Variants in NARF observed in about 807,000 individuals in gnomAD.
NARF encodes iron-only hydrogenase-like protein 2.
A neutral mutation model predicts 48.0 loss-of-function variants in NARF; 41 were observed. The ratio of observed to expected loss-of-function variants is 0.85; its 90% CI spans 0.66 to 1.11. The LOEUF is 1.11. Among genes scored for constraint, NARF ranks in the 50% least tolerant of loss-of-function variants. The probability of loss-of-function intolerance (pLI) is 0.00; values close to 1 mark genes in which losing one functional copy is unlikely to be tolerated. For synonymous variants in NARF, 215 were observed against 225.5 expected, an observed-to-expected ratio of 0.95 and a Z score of 0.42; for missense variants, 613 against 590.2, an observed-to-expected ratio of 1.04 and a Z score of -0.40.
chr17:82,459,987 T>C lies in NARF; in HGVS notation c.28-5T>C, dbSNP rs762778688. On this transcript the variant is annotated splice_region_variant and splice_polypyrimidine_tract_variant and intron_variant, in intron 1 of 10. Coordinates refer to ENST00000309794, the MANE Select transcript of NARF (RefSeq NM_012336.4). The stretch of plus-strand genomic sequence containing the variant: ...TCATTGATAATGTTCCTTTGCTTTT[T>C]TAAGGAATGTAGTAAGAAAACAAAA... The C allele has an allele frequency of 6.8e-6, 11 of 1,611,918 alleles. No individual in the cohort carries two copies. Among genetic ancestry groups the C allele is most frequent in the Non-Finnish European group, 9.3e-6 (11 of 1,178,536 alleles).
chr17:82,481,201 G>A lies in NARF; in HGVS notation c.759G>A (p.Val253=). 1 of 1,614,016 alleles carries A rather than the reference G, an allele frequency of 6.2e-7. No homozygotes were observed. The highest frequency in any genetic ancestry group is 1.3e-5 in the African/African-American group (1 of 75,044). The part of the protein sequence containing the change: ...ALHGSRGADC[V]LTSGEIAQIM... ...ATGGCTCCCGGGGCGCTGACTGCGT[G>A]TTAACATCAGGTGAGAGGTGGGCGG... is the stretch of plus-strand genomic sequence containing the variant. The change falls in exon 7 of 11, where the codon GTG becomes GTA. Residue 253 remains valine, a synonymous_variant. Coordinates refer to ENST00000309794, the MANE Select transcript of NARF (RefSeq NM_012336.4).
At chr17:82,478,312 G>C (rs1212874916) in intron 5 of NARF, among the ~76,000 whole-genome samples, 1 of 152,238 alleles carries the variant, frequency 6.6e-6, no homozygotes, top group Admixed American at 6.5e-5. Context: ...GACTTGAGGA[G>C]TATAGATTTC....
At chr17:82,471,742 G>A (rs149049420) in intron 4 of NARF, among the ~76,000 whole-genome samples, 2,958 of 136,128 alleles carry the variant, frequency 0.022, 120 homozygotes, top group African/African-American at 0.08. Flanking sequence ...CAGTGAGCCG[G>A]GATAGCGCCA....
intron 2 of NARF, 166 bp from the exon 3 acceptor site, chr17:82,464,121 T>C (rs1437137929): frequency 5.0e-6 from 4 of 803,280 alleles, no homozygotes; most frequent in Admixed American, 5.7e-5. Flanking sequence ...CTTGAGCTGC[T>C]CAGTGGCAGA....
At position 82,484,909 on chromosome 17, in the gene NARF, G is replaced by A. The variant is rs763494072; in HGVS notation, c.930G>A (p.Leu310=). 6.2e-7 allele frequency: 1 copy of A among 1,613,230 alleles called. No individual in the cohort carries two copies. Among genetic ancestry groups the A allele is most frequent in the Non-Finnish European group, 8.5e-7 (1 of 1,179,580 alleles). The change falls in exon 9 of 11, where the codon CTG becomes CTA. Residue 310 remains leucine (L), a synonymous_variant. Coordinates refer to ENST00000309794, the MANE Select transcript of NARF (RefSeq NM_012336.4). ...TCTTCAGACATGCGGCCAAGGAGCT[G>A]TTCAACGAGGATGTGGAGGAGGTCA... is the stretch of plus-strand genomic sequence containing the variant. ...AHIFRHAAKE[L]FNEDVEEVTY...
At chr17:82,464,220 C>G in intron 2 of NARF, 67 bp from the exon 3 acceptor site, 1 of 1,558,732 alleles carries the variant, frequency 6.4e-7, no homozygotes, top group South Asian at 1.2e-5. Flanking sequence ...ATGGGTGTTA[C>G]CCTCTCTAAA....
In NARF at chr17:82,471,312, G is replaced by A. The variant is rs79344733; in HGVS notation, c.386-1252G>A. Among the ~76,000 whole-genome samples, 359 of 151,706 alleles carry A rather than the reference G, an allele frequency of 2.4e-3. 3 individuals carry two copies. Among genetic ancestry groups the A allele is most frequent in the African/African-American group, 7.9e-3 (327 of 41,358 alleles). On this transcript the variant is annotated intron_variant, in intron 4 of 10. Transcript: ENST00000309794. ...CTACTAAAAATTCAAAAAAGTAGCC[G>A]GGCGTGGTGACGGGCGCCTGTAGTC...
intron 7 of NARF, chr17:82,481,811 A>C (rs1346254115): frequency 4.8e-6 from 2 of 420,738 alleles, no homozygotes; most frequent in Non-Finnish European, 9.3e-6. Flanking sequence ...ATTACAGTCC[A>C]TGTAAGGTAC....
At chr17:82,465,272 T>C (rs2043537877) in intron 3 of NARF, among the ~76,000 whole-genome samples, 1 of 152,152 alleles carries the variant, frequency 6.6e-6, no homozygotes. Flanking sequence ...CAGTTTCACA[T>C]GAGATTTGGG....
intron 7 of NARF, 120 bp downstream of exon 7, chr17:82,481,331 G>A: frequency 6.8e-7 from 1 of 1,465,312 alleles, no homozygotes; most frequent in Non-Finnish European, 9.2e-7. Context: ...GTGGTCGCTT[G>A]TCTGAAGTTA....
At chr17:82,481,362 G>T in intron 7 of NARF, 151 bp downstream of exon 7, 1 of 1,148,478 alleles carries the variant, frequency 8.7e-7, no homozygotes, top group Non-Finnish European at 1.2e-6. Context: ...AGGGTCCTAG[G>T]GGCTTAACTG....
intron 2 of NARF, among the ~76,000 whole-genome samples, chr17:82,462,428 C>G (rs2043460264): frequency 6.6e-6 from 1 of 152,176 alleles, no homozygotes; most frequent in Non-Finnish European, 1.5e-5. Context: ...CCGACTTAAG[C>G]TGGCTAGAGT....
In NARF at chr17:82,466,991, CCTT is replaced by C. The variant is rs577612587; in HGVS notation, c.253-1769_253-1767del. Among the ~76,000 whole-genome samples, 433 of 151,576 alleles carry C rather than the reference CCTT, an allele frequency of 2.9e-3. 2 individuals are homozygous for C. The highest frequency in any genetic ancestry group is 0.014 in the Middle Eastern group (4 of 290). Reference sequence around the variant, plus strand: ...TACGGGCATAAGCCACCGTACCTGGCCTTCTTTTTTTTTTTTTTCCCCATTACT... The same window carrying C: ...TACGGGCATAAGCCACCGTACCTGGCCTTTTTTTTTTTTTTCCCCATTACT... On this transcript the variant is annotated intron_variant, in intron 3 of 10. Coordinates refer to ENST00000309794, the MANE Select transcript of NARF (RefSeq NM_012336.4).
chr17:82,488,452 T>G lies in NARF; in HGVS notation c.*295T>G. The G allele has an allele frequency of 3.4e-6, 1 of 295,786 alleles. No individual in the cohort carries two copies. Among genetic ancestry groups the G allele is most frequent in the South Asian group, 4.4e-5 (1 of 22,898 alleles). The allele number at this position is 295,786 out of a possible 1,614,324, so 18.3% of individuals were successfully genotyped here. On this transcript the variant is annotated 3_prime_UTR_variant, in exon 11 of 11. Coordinates refer to ENST00000309794, the MANE Select transcript of NARF (RefSeq NM_012336.4). ...GTGCAATGGCGCAATCTCAGCTCAC[T>G]GCAACCTCTGCCTCCCGGGTTCAAG...
chr17:82,472,515 A>T, intron 4 of NARF, 49 bp from the exon 5 acceptor site: 1 of 1,513,014 alleles, frequency 6.6e-7, no homozygotes, highest in Non-Finnish European at 8.9e-7. Context: ...GCCTAAAAGT[A>T]GATCTTTTAG....
At position 82,490,407 on chromosome 17, in the gene NARF, T is replaced by C. The variant is rs1179684455; in HGVS notation, c.*2250T>C. On this transcript the variant is annotated 3_prime_UTR_variant, in exon 11 of 11. Coordinates refer to ENST00000309794, the MANE Select transcript of NARF (RefSeq NM_012336.4). ...TGCACCTGTCTTGTCAATAACTGCA[T>C]ATATTGTGTTGCGTTGCCTGTCTTG... is the stretch of plus-strand genomic sequence containing the variant. The C allele has an allele frequency of 6.6e-6, 1 of 152,378 alleles. No homozygotes were observed. The highest frequency in any genetic ancestry group is 1.9e-4 in the East Asian group (1 of 5,202). 9.4% of individuals were successfully genotyped at this position (152,378 alleles called of 1,614,324 possible).
chr17:82,478,640 C>A (rs190054726), intron 5 of NARF, 160 bp from the exon 6 acceptor site: 2 of 753,098 alleles, frequency 2.7e-6, no homozygotes, highest in African/African-American at 3.4e-5. Context: ...CCACCGAGGA[C>A]GGGTTTTGGG....
chr17:82,487,788 C>CCAAACT, intron 10 of NARF, 128 bp from the exon 11 acceptor site: 1 of 759,778 alleles, frequency 1.3e-6, no homozygotes, highest in Non-Finnish European at 2.1e-6. Flanking sequence ...CCCTCCCGCC[C>CCAAACT]AATCTCTACA....
chr17:82,465,773 C>T (rs1384341486), intron 3 of NARF, among the ~76,000 whole-genome samples: 1 of 152,160 alleles, frequency 6.6e-6, no homozygotes, highest in African/African-American at 2.4e-5. Context: ...GCCATGTTGC[C>T]CAGGCTGGTC....
Sources: gnomAD v4.1 joint callset for allele counts (sites outside exome capture counted in the v4.1 genomes callset) on GRCh38, gnomAD v4.1.1 for gene constraint, MANE v1.5 for transcripts, NCBI Gene and HGNC (gene_info 2026-07-23, HGNC 2026-07-21) for gene names.